Variants in NCOR2 observed in about 807,000 individuals in gnomAD.
NCOR2 encodes the protein nuclear receptor corepressor 2.
A neutral mutation model predicts 262.9 loss-of-function variants in NCOR2; 81 were observed. The ratio of observed to expected loss-of-function variants is 0.31; its 90% CI spans 0.26 to 0.37. The LOEUF (loss-of-function observed/expected upper bound fraction) is 0.37, where lower values mean the gene tolerates loss of function less well. NCOR2 is among the 10% of genes least tolerant of loss of function. The pLI, the probability that NCOR2 is intolerant of heterozygous loss-of-function variation, is 1.00. For synonymous variants in NCOR2, 1,659 were observed against 1,559.3 expected, an observed-to-expected ratio of 1.06 and a Z score of -1.51; for missense variants, 3,385 against 3,621.4, an observed-to-expected ratio of 0.93 and a Z score of 1.68.
chr12:124,400,354 G>C (rs913459341), intron 15 of NCOR2, 147 bp downstream of exon 17: 5 of 1,078,604 alleles, frequency 4.6e-6, no homozygotes, highest in Non-Finnish European at 6.8e-6. Context: ...ACATCCAGTA[G>C]GTAGCGCTGG....
chr12:124,490,610 T>C (rs1248977981), intron 1 of NCOR2, among the ~76,000 whole-genome samples: 1 of 151,174 alleles, frequency 6.6e-6, no homozygotes, highest in Non-Finnish European at 1.5e-5. Context: ...AAGGGGGCCA[T>C]GAAGCTAATG....
intron 1 of NCOR2, among the ~76,000 whole-genome samples, chr12:124,509,223 C>G (rs1006287624): frequency 1.0e-5 from 1 of 99,450 alleles, no homozygotes; most frequent in Non-Finnish European, 2.0e-5. Flanking sequence ...GCCAAAGTGG[C>G]ACTGGCTTTG....
chr12:124,405,900 C>G (rs1279308279), intron 13 of NCOR2, among the ~76,000 whole-genome samples: 3 of 152,164 alleles, frequency 2.0e-5, no homozygotes, highest in Non-Finnish European at 4.4e-5. Flanking sequence ...GCTTCCCGGG[C>G]CACTGGGGGC....
intron 32 of NCOR2, among the ~76,000 whole-genome samples, 181 bp downstream of exon 34, chr12:124,344,416 C>A (rs2036747022): frequency 6.6e-6 from 1 of 152,094 alleles, no homozygotes; most frequent in African/African-American, 2.4e-5. Flanking sequence ...TGGGAGGTGG[C>A]AAGGAGTTGG....
chr12:124,501,062 G>GCACACACA (rs3040848), intron 1 of NCOR2, among the ~76,000 whole-genome samples: 140 of 147,904 alleles, frequency 9.5e-4, no homozygotes, highest in East Asian at 2.5e-3. Context: ...GCGCACGCGC[G>GCACACACA]CACACACACA....
At chr12:124,445,955 G>A (rs151279704) in intron 7 of NCOR2, among the ~76,000 whole-genome samples, 34 of 152,328 alleles carry the variant, frequency 2.2e-4, no homozygotes, top group Admixed American at 2.0e-3. Flanking sequence ...CTTCCCACAG[G>A]GACACACAGC....
exon 37 of NCOR2, chr12:124,340,034 C>T (rs768479665): frequency 6.2e-7 from 1 of 1,612,638 alleles, no homozygotes; most frequent in Non-Finnish European, 8.5e-7. Context: ...CTGGGCTCCA[C>T]AGCGGTGATG....
At chr12:124,471,910 T>C (rs142802825) in intron 4 of NCOR2, among the ~76,000 whole-genome samples, 1 of 152,368 alleles carries the variant, frequency 6.6e-6, no homozygotes, top group African/African-American at 2.4e-5. Flanking sequence ...ATTTTTGACT[T>C]TGCAGGCCAC....
intron 16 of NCOR2, among the ~76,000 whole-genome samples, chr12:124,387,678 G>A (rs549614101): frequency 1.6e-3 from 249 of 152,350 alleles, no homozygotes; most frequent in African/African-American, 5.5e-3. Context: ...GGGCCGGGGC[G>A]TGGGATCAAG....
intron 20 of NCOR2, among the ~76,000 whole-genome samples, chr12:124,364,461 G>A (rs181250198): frequency 6.6e-6 from 1 of 152,346 alleles, no homozygotes; most frequent in East Asian, 1.9e-4. Context: ...CCAGGCCACA[G>A]ACTTTGTGTG....
At chr12:124,508,212 C>CG (rs2049156788) in intron 1 of NCOR2, among the ~76,000 whole-genome samples, 1 of 152,248 alleles carries the variant, frequency 6.6e-6, no homozygotes, top group Non-Finnish European at 1.5e-5. Flanking sequence ...CCAGGCTAAA[C>CG]GGGAAGAATC....
intron 8 of NCOR2, 57 bp downstream of exon 10, chr12:124,437,873 C>T (rs866767804): frequency 2.2e-5 from 33 of 1,527,924 alleles, no homozygotes; most frequent in South Asian, 1.6e-4. Context: ...GCCCCCTGTG[C>T]GCTCGATTCT....
At chr12:124,411,149 GA>G (rs1399332004) in intron 13 of NCOR2, among the ~76,000 whole-genome samples, 5 of 151,602 alleles carry the variant, frequency 3.3e-5, no homozygotes, top group Non-Finnish European at 7.4e-5. Flanking sequence ...AGAGAGACGG[GA>G]AAGCACATGC....
At chr12:124,409,118 A>T (rs2042430728) in intron 13 of NCOR2, among the ~76,000 whole-genome samples, 1 of 152,240 alleles carries the variant, frequency 6.6e-6, no homozygotes, top group East Asian at 1.9e-4. Context: ...GCAACATTTA[A>T]CACGCACATG....
intron 3 of NCOR2, among the ~76,000 whole-genome samples, chr12:124,478,401 A>C (rs551183731): frequency 6.6e-6 from 1 of 152,328 alleles, no homozygotes; most frequent in Non-Finnish European, 1.5e-5. Flanking sequence ...AAGTTCGGTG[A>C]ATTCCCAAGG....
chr12:124,367,820 G>A (rs1456933316), intron 20 of NCOR2, among the ~76,000 whole-genome samples: 2 of 152,170 alleles, frequency 1.3e-5, no homozygotes. Flanking sequence ...TTTTAGCGGA[G>A]ACAGGCTTTC....
chr12:124,495,639 A>T (rs2048340109), upstream of NCOR2, among the ~76,000 whole-genome samples: 1 of 151,826 alleles, frequency 6.6e-6, no homozygotes, highest in South Asian at 2.1e-4. This position sits in a 1 kb window ranked among gnomAD's most constrained non-coding sequence, Gnocchi z 4.4. Context: ...AGGCACAGGG[A>T]CTCTGCGCTG....
intron 5 of NCOR2, among the ~76,000 whole-genome samples, chr12:124,459,994 T>C (rs1033207753): frequency 2.6e-5 from 4 of 152,212 alleles, no homozygotes; most frequent in Non-Finnish European, 5.9e-5. Flanking sequence ...GCCTGCCTCT[T>C]GCTCATGTCT....
intron 1 of NCOR2, among the ~76,000 whole-genome samples, chr12:124,558,265 C>A (rs1452415701): frequency 7.6e-6 from 1 of 131,458 alleles, no homozygotes; most frequent in Non-Finnish European, 1.7e-5. Flanking sequence ...CTCTCCCACC[C>A]ACCCCCCCTC....
Sources: allele counts gnomAD v4.1 joint callset (sites outside exome capture counted in the v4.1 genomes callset), GRCh38; gene constraint gnomAD v4.1.1; non-coding constraint Gnocchi (gnomAD v3.1); transcripts MANE v1.5; gene names NCBI Gene and HGNC (gene_info 2026-07-23, HGNC 2026-07-21).